Variants in TSEN15 observed in about 807,000 individuals in gnomAD.
TSEN15 encodes tRNA-splicing endonuclease subunit Sen15.
TSEN15 carries 10 observed loss-of-function variants against 20.5 expected under a neutral mutation model. The ratio of observed to expected loss-of-function variants is 0.49; its 90% CI spans 0.30 to 0.83. TSEN15 has a LOEUF of 0.83. Among genes scored for constraint, TSEN15 ranks in the 40% least tolerant of loss-of-function variants. TSEN15 has a pLI of 0.06. For synonymous variants in TSEN15, 72 were observed against 80.1 expected (o/e 0.90, Z 0.54); for missense variants, 180 against 218.6 (o/e 0.82, Z 1.11).
chr1:184,085,828 C>T (rs1651252572), intron 3 of TSEN15, among the ~76,000 whole-genome samples: 3 of 152,084 alleles, frequency 2.0e-5, no homozygotes, highest in African/African-American at 7.2e-5. Flanking sequence ...CAGTACTAGT[C>T]AAGTTCAGTA....
In TSEN15 at chr1:184,073,830, A is replaced by G. The variant is rs1015757585; in HGVS notation, c.*983A>G. The G allele has an allele frequency of 5.3e-5, 8 of 152,304 alleles. No homozygotes were observed. Among genetic ancestry groups the G allele is most frequent in the Admixed American group, 5.2e-4 (8 of 15,286 alleles). The allele number at this position is 152,304 out of a possible 1,614,324, so 9.4% of individuals were successfully genotyped here. On this transcript the variant is annotated 3_prime_UTR_variant, in exon 5 of 5. Coordinates refer to ENST00000645668, the MANE Select transcript of TSEN15 (RefSeq NM_052965.4). ...GTATGAAGCACAAAAGCAGCCATAG[A>G]CAATACATAAACAATACGGGCGTGG...
At chr1:184,064,243 C>T (rs182254361) in intron 3 of TSEN15, among the ~76,000 whole-genome samples, 2 of 152,066 alleles carry the variant, frequency 1.3e-5, no homozygotes, top group Admixed American at 1.3e-4. Flanking sequence ...TCTGGGAAAA[C>T]TTACTGGAGG....
chr1:184,091,463 T>C (rs972939888), intron 3 of TSEN15, among the ~76,000 whole-genome samples: 3 of 152,112 alleles, frequency 2.0e-5, no homozygotes, highest in African/African-American at 7.2e-5. Context: ...TATTATATAA[T>C]ATAGTTAGTG....
exon 4 of TSEN15, chr1:184,097,140 C>A (rs1320995404): frequency 1.3e-5 from 2 of 152,092 alleles, no homozygotes; most frequent in African/African-American, 2.4e-5. Context: ...AAAAACAGAA[C>A]CATCTAAGAT....
At chr1:184,068,890 G>A (rs1364576189) in intron 3 of TSEN15, among the ~76,000 whole-genome samples, 1 of 152,046 alleles carries the variant, frequency 6.6e-6, no homozygotes, top group African/African-American at 2.4e-5. Context: ...ACTTTCTATG[G>A]GTTGAAATTA....
intron 3 of TSEN15, among the ~76,000 whole-genome samples, chr1:184,067,610 C>CA (rs1222761270): frequency 6.6e-6 from 1 of 151,712 alleles, no homozygotes; most frequent in Non-Finnish European, 1.5e-5. Context: ...TAAGAATTTC[C>CA]AAAAAATTAG....
At chr1:184,060,294 C>T (rs980108046) in intron 3 of TSEN15, among the ~76,000 whole-genome samples, 2 of 152,238 alleles carry the variant, frequency 1.3e-5, no homozygotes, top group African/African-American at 4.8e-5. Flanking sequence ...GGAGCTCCCT[C>T]TCGACATGCA....
chr1:184,088,747 T>C (rs1290622975), intron 3 of TSEN15, among the ~76,000 whole-genome samples: 1 of 147,788 alleles, frequency 6.8e-6, no homozygotes, highest in Non-Finnish European at 1.5e-5. Context: ...TGTTTGTTTG[T>C]TTGCTTGCTT....
intron 3 of TSEN15, among the ~76,000 whole-genome samples, chr1:184,062,755 T>A (rs1650513896): frequency 6.6e-6 from 1 of 151,990 alleles, no homozygotes; most frequent in Non-Finnish European, 1.5e-5. Flanking sequence ...TTTGTTTGTT[T>A]TTTTTTCCCC....
intron 3 of TSEN15, among the ~76,000 whole-genome samples, chr1:184,088,125 G>A (rs1192358423): frequency 6.6e-6 from 1 of 152,162 alleles, no homozygotes; most frequent in Non-Finnish European, 1.5e-5. Context: ...CTCAGGAAGA[G>A]GCCTCTGAGC....
At chr1:184,056,397 GGTT>G (rs1329229902) in intron 3 of TSEN15, among the ~76,000 whole-genome samples, 1 of 151,654 alleles carries the variant, frequency 6.6e-6, no homozygotes, top group Non-Finnish European at 1.5e-5. Context: ...TTGCCTGTTG[GGTT>G]GTTTTTAGTT....
At chr1:184,069,178 C>T (rs1650794852) in intron 3 of TSEN15, among the ~76,000 whole-genome samples, 1 of 152,090 alleles carries the variant, frequency 6.6e-6, no homozygotes, top group African/African-American at 2.4e-5. Flanking sequence ...GTACACAGAG[C>T]TCCTCTATGA....
chr1:184,080,076 T>C (rs1394194930), intron 3 of TSEN15, among the ~76,000 whole-genome samples: 3 of 152,202 alleles, frequency 2.0e-5, no homozygotes, highest in African/African-American at 7.2e-5. Flanking sequence ...CATTGGATCA[T>C]ATGCAAAGAA....
intron 3 of TSEN15, among the ~76,000 whole-genome samples, chr1:184,090,736 G>A (rs2102904878): frequency 6.6e-6 from 1 of 152,292 alleles, no homozygotes; most frequent in Admixed American, 6.5e-5. Context: ...ATGAGGTGTG[G>A]TGAAATGTTG....
intron 3 of TSEN15, among the ~76,000 whole-genome samples, chr1:184,084,633 A>G (rs1651228705): frequency 6.6e-6 from 1 of 151,916 alleles, no homozygotes; most frequent in South Asian, 2.1e-4. Flanking sequence ...ACATTTCTTG[A>G]CACTGGGAAG....
chr1:184,055,690 CT>C (rs890237273), intron 3 of TSEN15, among the ~76,000 whole-genome samples: 1 of 151,878 alleles, frequency 6.6e-6, no homozygotes, highest in African/African-American at 2.4e-5. Flanking sequence ...TTTTTAGGAC[CT>C]TTTTTTAAAA....
chr1:184,061,667 T>G (rs924329965), intron 3 of TSEN15, among the ~76,000 whole-genome samples: 12 of 152,316 alleles, frequency 7.9e-5, no homozygotes, highest in Admixed American at 7.2e-4. Context: ...TGGTTTATTA[T>G]TTATTTTATG....
At chr1:184,088,005 A>C (rs1214955391) in intron 3 of TSEN15, among the ~76,000 whole-genome samples, 1 of 152,202 alleles carries the variant, frequency 6.6e-6, no homozygotes, top group Non-Finnish European at 1.5e-5. Flanking sequence ...AACCACCACA[A>C]GGCTTCGTAA....
chr1:184,064,438 T>C (rs1161748948), intron 3 of TSEN15, among the ~76,000 whole-genome samples: 5 of 151,796 alleles, frequency 3.3e-5, no homozygotes, highest in African/African-American at 4.8e-5. Flanking sequence ...AAGCCCTAGA[T>C]TGGTGTGGCA....
Sources: allele counts gnomAD v4.1 joint callset (sites outside exome capture counted in the v4.1 genomes callset), GRCh38; gene constraint gnomAD v4.1.1; transcripts MANE v1.5; gene names NCBI Gene and HGNC (gene_info 2026-07-23, HGNC 2026-07-21).